The following SLC25A24 variants were observed in gnomAD, a reference collection of about 807,000 sequenced individuals.
SLC25A24 encodes the protein solute carrier family 25 member 24, also known as mitochondrial adenyl nucleotide antiporter SLC25A24.
Under a neutral mutation model 60.7 loss-of-function variants are expected in SLC25A24, and 49 were observed. The observed-to-expected ratio is 0.81, with a 90% CI of 0.64 to 1.02. The LOEUF is 1.02. Ranked by LOEUF, SLC25A24 falls within the 50% of genes least tolerant of loss-of-function variation. The probability of loss-of-function intolerance (pLI) is 0.00; values close to 1 mark genes in which losing one functional copy is unlikely to be tolerated. For missense variants in SLC25A24, 564 were observed against 586.3 expected, an observed-to-expected ratio of 0.96 and a Z score of 0.39; for synonymous variants, 202 against 200.6, an observed-to-expected ratio of 1.01 and a Z score of -0.06.
intron 8 of SLC25A24, among the ~76,000 whole-genome samples, chr1:108,139,945 G>C (rs139458523): frequency 2.7e-4 from 41 of 152,128 alleles, no homozygotes; most frequent in African/African-American, 9.9e-4. Context: ...AGAACCAGGC[G>C]TGCTGATCAA....
chr1:108,166,623 G>C (rs1011754177), intron 3 of SLC25A24, among the ~76,000 whole-genome samples: 9 of 151,952 alleles, frequency 5.9e-5, no homozygotes, highest in African/African-American at 2.2e-4. Context: ...TGTAGTTCTC[G>C]AGCCTTGGTT....
intron 3 of SLC25A24, among the ~76,000 whole-genome samples, chr1:108,179,361 C>A (rs1028750634): frequency 6.6e-6 from 1 of 151,958 alleles, no homozygotes; most frequent in Non-Finnish European, 1.5e-5. Context: ...ATAGAACTAC[C>A]ATATGATCCT....
chr1:108,145,678 C>T (rs956554877), intron 7 of SLC25A24, among the ~76,000 whole-genome samples: 4 of 151,944 alleles, frequency 2.6e-5, no homozygotes, highest in African/African-American at 9.7e-5. Flanking sequence ...GAATCCTTTC[C>T]CCATTGCTTG....
intron 4 of SLC25A24, among the ~76,000 whole-genome samples, chr1:108,160,403 G>C (rs1332596032): frequency 6.7e-6 from 1 of 150,184 alleles, no homozygotes; most frequent in East Asian, 2.0e-4. Flanking sequence ...TGGGCGGCCG[G>C]GCAGAGACGC....
chr1:108,197,974 C>T (rs1380016971), intron 1 of SLC25A24, among the ~76,000 whole-genome samples: 5 of 152,114 alleles, frequency 3.3e-5, no homozygotes. Flanking sequence ...AATTAGTTCC[C>T]TCAGTAATGG....
chr1:108,161,193 T>G lies in SLC25A24; in HGVS notation c.499A>C (p.Lys167Gln). 1 of 1,535,436 alleles carries G rather than the reference T, an allele frequency of 6.5e-7. No individual in the cohort carries two copies. Among genetic ancestry groups the G allele is most frequent in the Non-Finnish European group, 9.0e-7 (1 of 1,109,832 alleles). Residue 167 changes from lysine to glutamine, a missense_variant, in exon 4 of 10, where the codon AAA (lysine) becomes CAA (glutamine). Coordinates refer to ENST00000565488, the MANE Select transcript of SLC25A24 (RefSeq NM_013386.5). ...TDIEEIIRFW[K>Q]HSTGIDIGDS... ...TAAAGTAGACTTACTGTAGAATGTT[T>G]CCAGAAACGGATAATTTCCTCAATG...
At chr1:108,193,228 T>C (rs1257055972) in intron 1 of SLC25A24, among the ~76,000 whole-genome samples, 2 of 138,972 alleles carry the variant, frequency 1.4e-5, no homozygotes, top group African/African-American at 5.0e-5. Flanking sequence ...CATCAGCTTG[T>C]TACAAGGGTA....
intron 8 of SLC25A24, 128 bp downstream of exon 8, chr1:108,143,415 A>G: frequency 1.3e-6 from 1 of 753,408 alleles, no homozygotes; most frequent in Non-Finnish European, 2.1e-6. Context: ...GAAAGTTCAA[A>G]TAACACATGC....
intron 9 of SLC25A24, 59 bp from the exon 10 acceptor site, chr1:108,136,896 C>A: frequency 6.9e-7 from 1 of 1,458,956 alleles, no homozygotes; most frequent in African/African-American, 1.4e-5. Flanking sequence ...ATTATGACAA[C>A]AAACAATTAT....
At chr1:108,184,764 A>G (rs915398575) in intron 2 of SLC25A24, among the ~76,000 whole-genome samples, 6 of 152,158 alleles carry the variant, frequency 3.9e-5, no homozygotes, top group African/African-American at 1.4e-4. Flanking sequence ...ATGACCCACA[A>G]AGCTAAAATA....
chr1:108,143,007 G>T (rs564823405), intron 8 of SLC25A24, among the ~76,000 whole-genome samples: 5 of 152,254 alleles, frequency 3.3e-5, no homozygotes, highest in Admixed American at 3.3e-4. Flanking sequence ...CTGAGTTTTA[G>T]TCGTTTGTCT....
intron 3 of SLC25A24, among the ~76,000 whole-genome samples, chr1:108,181,162 AAGAG>A (rs3043348): frequency 0.72 from 109,207 of 151,640 alleles, 39,997 homozygotes; most frequent in African/African-American, 0.86. Flanking sequence ...AGAAATTATG[AAGAG>A]AGAGAAAGGA....
At chr1:108,149,433 T>C (rs1679696999) in intron 6 of SLC25A24, among the ~76,000 whole-genome samples, 1 of 152,336 alleles carries the variant, frequency 6.6e-6, no homozygotes, top group African/African-American at 2.4e-5. Flanking sequence ...GGTTTCCTTG[T>C]CTGTGATAAC....
Position 108,185,956 on chromosome 1 carries a change from T to C in SLC25A24, c.184-2A>G, listed in dbSNP as rs200675012. On this transcript the variant is annotated splice_acceptor_variant, in intron 1 of 9. Transcript: ENST00000565488. LOFTEE classifies it high-confidence loss of function. Reference sequence around the variant, plus strand: ...GACATCTCCAGTAGTAAAAATTTTCTATAAAAAAAAATTAGAGAGAAGTTA... The same window carrying C: ...GACATCTCCAGTAGTAAAAATTTTCCATAAAAAAAAATTAGAGAGAAGTTA... 5 of 1,567,942 alleles carry C rather than the reference T, an allele frequency of 3.2e-6. No homozygotes were observed. Among genetic ancestry groups the C allele is most frequent in the Non-Finnish European group, 4.3e-6 (5 of 1,157,628 alleles).
rs114447411 is a variant in SLC25A24, at chr1:108,147,663, T to C, written c.930+616A>G. 9.6e-3 allele frequency among the ~76,000 whole-genome samples: 1,469 copies of C among 152,298 alleles called. 12 individuals carry two copies. Among genetic ancestry groups the C allele is most frequent in the Admixed American group, 0.022 (340 of 15,286 alleles). On this transcript the variant is annotated intron_variant, in intron 7 of 9. Coordinates refer to ENST00000565488, the MANE Select transcript of SLC25A24 (RefSeq NM_013386.5). ...GGATGTCTAATTAGGATAATCACCA[T>C]ATAATCAAATCCTGAGATTCCATTA... is the stretch of plus-strand genomic sequence containing the variant.
chr1:108,155,237 G>T, intron 5 of SLC25A24, 102 bp from the exon 6 acceptor site: 1 of 968,084 alleles, frequency 1.0e-6, no homozygotes, highest in Non-Finnish European at 1.5e-6. Flanking sequence ...CTAACTGCAA[G>T]AAGATATATT....
intron 1 of SLC25A24, among the ~76,000 whole-genome samples, chr1:108,190,693 C>CTT (rs61203492): frequency 0.22 from 28,719 of 128,638 alleles, 6,370 homozygotes; most frequent in Non-Finnish European, 0.26. Flanking sequence ...AGTATCATTT[C>CTT]TTTTTTTTTT....
intron 4 of SLC25A24, among the ~76,000 whole-genome samples, chr1:108,160,373 G>A (rs1447663556): frequency 6.6e-6 from 1 of 150,386 alleles, no homozygotes; most frequent in Non-Finnish European, 1.5e-5. Flanking sequence ...AGGCAGAGGG[G>A]CTCCTCACAT....
At chr1:108,178,737 C>G (rs1338946918) in intron 3 of SLC25A24, among the ~76,000 whole-genome samples, 1 of 151,952 alleles carries the variant, frequency 6.6e-6, no homozygotes, top group African/African-American at 2.4e-5. Flanking sequence ...TGACGGGAAC[C>G]CGGGAGGCGG....
Sources: allele counts gnomAD v4.1 joint callset (sites outside exome capture counted in the v4.1 genomes callset), GRCh38; gene constraint gnomAD v4.1.1; transcripts MANE v1.5; gene names NCBI Gene and HGNC (gene_info 2026-07-23, HGNC 2026-07-21).